Variants in MACROD2 observed in about 807,000 individuals in gnomAD.
MACROD2 encodes the protein mono-ADP ribosylhydrolase 2.
A neutral mutation model predicts 70.4 loss-of-function variants in MACROD2; 36 were observed. That is an observed-to-expected ratio of 0.51 (90% CI 0.39 to 0.68). MACROD2 has a LOEUF of 0.68. MACROD2 is among the 30% of genes least tolerant of loss of function. The pLI, the probability that MACROD2 is intolerant of heterozygous loss-of-function variation, is 0.00. For synonymous variants in MACROD2, 172 were observed against 178.8 expected, an observed-to-expected ratio of 0.96 and a Z score of 0.30; for missense variants, 496 against 538.4, an observed-to-expected ratio of 0.92 and a Z score of 0.78.
chr20:14,426,894 A>T (rs1908021382), intron 3 of MACROD2, among the ~76,000 whole-genome samples: 1 of 152,300 alleles, frequency 6.6e-6, no homozygotes, highest in Non-Finnish European at 1.5e-5. Flanking sequence ...CCTTATTTGA[A>T]AATGAAGAGG....
chr20:15,956,568 T>C (rs78134167), intron 12 of MACROD2, among the ~76,000 whole-genome samples: 2 of 152,154 alleles, frequency 1.3e-5, no homozygotes, highest in Admixed American at 6.5e-5. Flanking sequence ...ATGAAAGATG[T>C]CTTAGACACA....
At chr20:14,197,530 G>A (rs1407369780) in intron 3 of MACROD2, among the ~76,000 whole-genome samples, 1 of 151,978 alleles carries the variant, frequency 6.6e-6, no homozygotes, top group African/African-American at 2.4e-5. Context: ...CACTTTGGGA[G>A]GCCAAGGCGG....
At chr20:15,084,098 T>C (rs1284658524) in intron 5 of MACROD2, among the ~76,000 whole-genome samples, 2 of 125,776 alleles carry the variant, frequency 1.6e-5, no homozygotes, top group Non-Finnish European at 3.3e-5. Context: ...GAAGTTTTGC[T>C]CTTTTTGCCC....
chr20:14,584,108 A>G (rs1467722874), intron 4 of MACROD2, among the ~76,000 whole-genome samples: 3 of 152,114 alleles, frequency 2.0e-5, no homozygotes. Flanking sequence ...CTAACCAATG[A>G]ATTATATTCT....
At chr20:14,336,199 G>T (rs2082933332) in intron 3 of MACROD2, among the ~76,000 whole-genome samples, 1 of 151,826 alleles carries the variant, frequency 6.6e-6, no homozygotes, top group African/African-American at 2.4e-5. Flanking sequence ...TATTTATGTT[G>T]TTTCTGGATA....
chr20:15,900,315 A>G (rs745735970), intron 10 of MACROD2, among the ~76,000 whole-genome samples: 5 of 152,224 alleles, frequency 3.3e-5, no homozygotes, highest in African/African-American at 4.8e-5. Flanking sequence ...TAAAATATCA[A>G]GAATTTAAGC....
Position 15,539,119 on chromosome 20 carries a change from T to C in MACROD2, c.645+39272T>C, listed in dbSNP as rs1281043658. On this transcript the variant is annotated intron_variant, in intron 8 of 17. Coordinates refer to ENST00000684519, the MANE Select transcript of MACROD2 (RefSeq NM_001351661.2). ...TACGTAACTCTTGCACTTGTCCCTT[T>C]CAGGCAATGCTTAAGAATGTATGTA... Among the ~76,000 whole-genome samples, 4 of 152,232 alleles carry C rather than the reference T, an allele frequency of 2.6e-5. No individual in the cohort carries two copies. In the East Asian group the frequency reaches 7.7e-4, roughly 29 times the overall value.
chr20:14,689,077 A>G (rs568810966), intron 5 of MACROD2, among the ~76,000 whole-genome samples: 1 of 152,210 alleles, frequency 6.6e-6, no homozygotes, highest in African/African-American at 2.4e-5. Context: ...CCCCACTCAC[A>G]CAGGCTGCTT....
intron 2 of MACROD2, among the ~76,000 whole-genome samples, chr20:14,083,362 GCAGTA>G (rs2054026812): frequency 2.6e-5 from 4 of 151,486 alleles, no homozygotes; most frequent in African/African-American, 9.7e-5. Context: ...GATGGAGGTT[GCAGTA>G]AGCTGAGACT....
intron 8 of MACROD2, among the ~76,000 whole-genome samples, chr20:15,800,154 A>G (rs931493907): frequency 6.6e-6 from 1 of 151,720 alleles, no homozygotes; most frequent in Admixed American, 6.6e-5. Context: ...TTTGCTGTTG[A>G]GTTGTTTTGA....
chr20:15,329,300 G>C (rs75874520), intron 6 of MACROD2, among the ~76,000 whole-genome samples: 5,427 of 152,192 alleles, frequency 0.036, 130 homozygotes, highest in South Asian at 0.1. Context: ...CTTGTTCAGG[G>C]TGAGAGTGGT....
chr20:14,045,074 C>G (rs12481246), intron 2 of MACROD2, among the ~76,000 whole-genome samples: 26,705 of 152,246 alleles, frequency 0.18, 2,573 homozygotes, highest in South Asian at 0.23. Flanking sequence ...CTTGCCGCTC[C>G]GAGTGCGGGG....
chr20:15,512,920 C>G (rs1394570033), intron 8 of MACROD2, among the ~76,000 whole-genome samples: 2 of 152,166 alleles, frequency 1.3e-5, no homozygotes, highest in Non-Finnish European at 2.9e-5. Flanking sequence ...GCAAATGGAG[C>G]TACAAATGAC....
chr20:15,940,720 A>G (rs2065739724), intron 12 of MACROD2, among the ~76,000 whole-genome samples: 1 of 152,224 alleles, frequency 6.6e-6, no homozygotes, highest in South Asian at 2.1e-4. Context: ...GTTTTTTAAG[A>G]CATAGTGTAT....
intron 7 of MACROD2, among the ~76,000 whole-genome samples, chr20:15,453,902 G>T (rs1174748866): frequency 1.3e-5 from 2 of 152,100 alleles, no homozygotes; most frequent in Non-Finnish European, 2.9e-5. Context: ...AGAGTGGGAG[G>T]TCTCTAGGCA....
At chr20:14,842,598 A>C (rs193086731) in intron 5 of MACROD2, among the ~76,000 whole-genome samples, 1 of 152,238 alleles carries the variant, frequency 6.6e-6, no homozygotes, top group East Asian at 1.9e-4. Flanking sequence ...TAAAGAGAAC[A>C]CTGATGGATA....
chr20:14,556,883 A>G (rs867515399), intron 4 of MACROD2, among the ~76,000 whole-genome samples: 6 of 152,096 alleles, frequency 3.9e-5, no homozygotes, highest in Middle Eastern at 3.4e-3. Flanking sequence ...TTAAATTTAA[A>G]TGATCTATGG....
intron 5 of MACROD2, among the ~76,000 whole-genome samples, chr20:15,026,868 C>T (rs1449512926): frequency 1.3e-5 from 2 of 152,180 alleles, no homozygotes; most frequent in Non-Finnish European, 2.9e-5. Flanking sequence ...AGGCTGATGT[C>T]TTAGTGGAAA....
chr20:14,580,586 C>T (rs534122772), intron 4 of MACROD2, among the ~76,000 whole-genome samples: 1 of 152,244 alleles, frequency 6.6e-6, no homozygotes, highest in Non-Finnish European at 1.5e-5. Context: ...GACTGGCATG[C>T]CCAGGATTGT....
Sources: gnomAD v4.1 joint callset for allele counts (sites outside exome capture counted in the v4.1 genomes callset) on GRCh38, gnomAD v4.1.1 for gene constraint, MANE v1.5 for transcripts, NCBI Gene and HGNC (gene_info 2026-07-23, HGNC 2026-07-21) for gene names.